Variants in EYS observed in about 807,000 individuals in gnomAD.
The protein encoded by EYS is EGF-like photoreceptor maintenance factor.
In EYS, 250 loss-of-function variants were observed where a neutral mutation model predicts 282.1. The observed-to-expected ratio is 0.89, with a 90% CI of 0.80 to 0.98. The LOEUF (loss-of-function observed/expected upper bound fraction) is 0.98. EYS is among the 50% of genes least tolerant of loss of function. The pLI, the probability that EYS is intolerant of heterozygous loss-of-function variation, is 0.00. For missense variants in EYS, 4,016 were observed against 3,709.0 expected, an observed-to-expected ratio of 1.08 and a Z score of -2.15; for synonymous variants, 1,355 against 1,282.9, an observed-to-expected ratio of 1.06 and a Z score of -1.20.
intron 36 of EYS, among the ~76,000 whole-genome samples, chr6:63,833,867 G>T (rs1771720579): frequency 6.6e-6 from 1 of 152,118 alleles, no homozygotes; most frequent in Non-Finnish European, 1.5e-5. Flanking sequence ...CAGAGATACA[G>T]ACCAATGGAA....
intron 12 of EYS, among the ~76,000 whole-genome samples, chr6:65,103,753 T>G (rs1279850292): frequency 6.6e-6 from 1 of 151,454 alleles, no homozygotes; most frequent in Non-Finnish European, 1.5e-5. Flanking sequence ...GCATTATAAG[T>G]CCACTGAATT....
intron 2 of EYS, among the ~76,000 whole-genome samples, chr6:65,631,100 G>A (rs763172718): frequency 2.0e-5 from 3 of 152,022 alleles, no homozygotes; most frequent in Non-Finnish European, 2.9e-5. Context: ...CCTCTAATTC[G>A]CAGGAATAAA....
chr6:65,221,652 CCA>C (rs1332142560), intron 12 of EYS, among the ~76,000 whole-genome samples: 1 of 152,180 alleles, frequency 6.6e-6, no homozygotes, highest in African/African-American at 2.4e-5. Flanking sequence ...GTTGGAGCCC[CCA>C]CACAGAGTGC....
intron 33 of EYS, 75 bp downstream of exon 33, chr6:64,066,263 G>T: frequency 7.6e-7 from 1 of 1,324,460 alleles, no homozygotes. Flanking sequence ...GGGTGACAGA[G>T]CAAGACTCCA....
At chr6:65,137,806 A>G (rs1776065873) in intron 12 of EYS, among the ~76,000 whole-genome samples, 1 of 152,140 alleles carries the variant, frequency 6.6e-6, no homozygotes, top group South Asian at 2.1e-4. Context: ...AAACTAAACC[A>G]TATGTTTGGT....
chr6:64,198,302 C>T (rs1019797904), intron 31 of EYS, among the ~76,000 whole-genome samples: 13 of 152,050 alleles, frequency 8.5e-5, no homozygotes, highest in Middle Eastern at 3.4e-3. Flanking sequence ...CCACTGCACC[C>T]GGCCTATAAT....
At chr6:64,289,312 G>T (rs1281964746) in intron 30 of EYS, among the ~76,000 whole-genome samples, 5 of 152,018 alleles carry the variant, frequency 3.3e-5, no homozygotes, top group Non-Finnish European at 7.4e-5. Flanking sequence ...CACATTACCA[G>T]GCTGAGAAAG....
At chr6:64,125,577 G>A (rs6907700) in intron 31 of EYS, among the ~76,000 whole-genome samples, 2,907 of 151,438 alleles carry the variant, frequency 0.019, 81 homozygotes, top group African/African-American at 0.066. Flanking sequence ...TGAGGTCAGG[G>A]GATCAAGACC....
intron 31 of EYS, among the ~76,000 whole-genome samples, chr6:64,200,237 C>T (rs1379034738): frequency 6.6e-6 from 1 of 152,064 alleles, no homozygotes; most frequent in African/African-American, 2.4e-5. Context: ...AATTATTCTG[C>T]ATTATATTCT....
At chr6:64,103,622 A>G (rs149825613) in intron 31 of EYS, among the ~76,000 whole-genome samples, 94 of 152,286 alleles carry the variant, frequency 6.2e-4, no homozygotes, top group African/African-American at 2.2e-3. Flanking sequence ...AGGATCATAG[A>G]TGGTGATATG....
At chr6:64,212,870 G>C (rs1240501065) in intron 31 of EYS, among the ~76,000 whole-genome samples, 2 of 152,132 alleles carry the variant, frequency 1.3e-5, no homozygotes, top group Non-Finnish European at 2.9e-5. Context: ...AAATGCCCAT[G>C]AGTGATGGAC....
chr6:63,986,658 C>T (rs577519895), intron 34 of EYS, among the ~76,000 whole-genome samples: 27 of 151,848 alleles, frequency 1.8e-4, no homozygotes, highest in Non-Finnish European at 3.0e-4. Flanking sequence ...CCATTATCCT[C>T]AGCAAACTAA....
chr6:64,518,680 T>C (rs903841030), intron 26 of EYS, among the ~76,000 whole-genome samples: 2 of 151,554 alleles, frequency 1.3e-5, no homozygotes, highest in East Asian at 2.0e-4. Context: ...CCGTGTGTCA[T>C]GGGAGGAAAG....
intron 22 of EYS, among the ~76,000 whole-genome samples, chr6:64,809,584 CAGATCGATAAAAGA>C (rs1764534091): frequency 6.6e-6 from 1 of 151,922 alleles, no homozygotes; most frequent in Non-Finnish European, 1.5e-5. Context: ...CCATCAACAG[CAGATCGATAAAAGA>C]AAATGTGGTA....
At chr6:64,390,351 C>A (rs1182385598) in intron 28 of EYS, among the ~76,000 whole-genome samples, 1 of 152,160 alleles carries the variant, frequency 6.6e-6, no homozygotes, top group East Asian at 1.9e-4. Context: ...ACAGCAGTAA[C>A]CTCTGCAGAC....
intron 26 of EYS, among the ~76,000 whole-genome samples, chr6:64,515,176 A>AT: frequency 6.6e-6 from 1 of 151,816 alleles, no homozygotes; most frequent in East Asian, 1.9e-4. Context: ...TTGACTGTAC[A>AT]TTTTGTAATA....
At chr6:65,393,737 T>C (rs1766152053) in intron 7 of EYS, among the ~76,000 whole-genome samples, 1 of 151,620 alleles carries the variant, frequency 6.6e-6, no homozygotes, top group Non-Finnish European at 1.5e-5. Context: ...ATAAAATAAA[T>C]GCTGAAGCTG....
At chr6:65,340,373 A>T (rs940023747) in intron 10 of EYS, among the ~76,000 whole-genome samples, 1 of 151,252 alleles carries the variant, frequency 6.6e-6, no homozygotes, top group Admixed American at 6.6e-5. Flanking sequence ...TACAAAAAAA[A>T]TTAAAACAAC....
intron 2 of EYS, among the ~76,000 whole-genome samples, chr6:65,605,008 T>C (rs1018042938): frequency 7.9e-6 from 1 of 126,452 alleles, no homozygotes; most frequent in Admixed American, 7.9e-5. Context: ...CATGCCCAGC[T>C]ATTTTTTTTT....
Sources: gnomAD v4.1 joint callset for allele counts (sites outside exome capture counted in the v4.1 genomes callset) on GRCh38, gnomAD v4.1.1 for gene constraint, MANE v1.5 for transcripts, NCBI Gene and HGNC (gene_info 2026-07-23, HGNC 2026-07-21) for gene names.